The following NARS1 variants were observed in gnomAD, a reference collection of about 807,000 sequenced individuals.
NARS1 encodes the protein asparaginyl-tRNA synthetase 1.
Under a neutral mutation model 79.2 loss-of-function variants are expected in NARS1, and 65 were observed. That is an observed-to-expected ratio of 0.82 (90% CI 0.67 to 1.01). The LOEUF (loss-of-function observed/expected upper bound fraction) is 1.01. Among genes scored for constraint, NARS1 ranks in the 50% least tolerant of loss-of-function variants. The probability of loss-of-function intolerance (pLI) is 0.00; values close to 1 mark genes in which losing one functional copy is unlikely to be tolerated. For missense variants in NARS1, 649 were observed against 673.8 expected, an observed-to-expected ratio of 0.96 and a Z score of 0.41; for synonymous variants, 229 against 238.8, an observed-to-expected ratio of 0.96 and a Z score of 0.38.
At chr18:57,621,638 C>A in intron 1 of NARS1, 70 bp downstream of exon 1, 1 of 1,505,298 alleles carries the variant, frequency 6.6e-7, no homozygotes. Context: ...AGGAAAGCGC[C>A]GAAACCCGAC....
chr18:57,601,668 T>C lies in NARS1; in HGVS notation c.1631A>G (p.Gln544Arg). ...AGAAAATGGTTATGGCGTGCAACGCTGGACAAATCGAGGGTATAAGCACAC... is the reference window on the plus strand; with the variant it reads ...AGAAAATGGTTATGGCGTGCAACGCCGGACAAATCGAGGGTATAAGCACAC... ...RDVCLYPRFVQRCTP is the reference protein window; with the variant it reads ...RDVCLYPRFVRRCTP Residue 544 changes from glutamine (Q) to arginine (R), a missense_variant, in exon 14 of 14, where the codon CAG (glutamine) becomes CGG (arginine). Transcript: ENST00000256854. 1 of 1,614,054 alleles carries C rather than the reference T, an allele frequency of 6.2e-7. No individual in the cohort carries two copies.
chr18:57,607,866 T>C (rs2051572436), intron 7 of NARS1, among the ~76,000 whole-genome samples: 1 of 151,502 alleles, frequency 6.6e-6, no homozygotes, highest in Non-Finnish European at 1.5e-5. Flanking sequence ...TACACACAAA[T>C]ATCTTTTTTT....
intron 2 of NARS1, among the ~76,000 whole-genome samples, chr18:57,618,405 C>T (rs1206874671): frequency 6.6e-6 from 1 of 152,138 alleles, no homozygotes; most frequent in Non-Finnish European, 1.5e-5. Context: ...TGTACTGATC[C>T]CTCCTTTTGT....
At chr18:57,619,163 C>T (rs1046243768) in intron 2 of NARS1, among the ~76,000 whole-genome samples, 2 of 151,656 alleles carry the variant, frequency 1.3e-5, no homozygotes, top group South Asian at 2.1e-4. Context: ...GATGCAATCA[C>T]GGCTCACTGC....
At chr18:57,620,950 C>A (rs959550972) in intron 1 of NARS1, among the ~76,000 whole-genome samples, 4 of 152,178 alleles carry the variant, frequency 2.6e-5, no homozygotes, top group African/African-American at 9.6e-5. Context: ...ATCAGACATA[C>A]GCTGGAATGT....
At chr18:57,616,153 G>A (rs968971673) in intron 2 of NARS1, 178 bp from the exon 3 acceptor site, 38 of 591,796 alleles carry the variant, frequency 6.4e-5, no homozygotes, top group South Asian at 9.4e-5. Context: ...TTGGCTGGGC[G>A]CGGTGGCTCA....
chr18:57,614,928 C>T (rs1456858204), intron 4 of NARS1, among the ~76,000 whole-genome samples: 23 of 152,178 alleles, frequency 1.5e-4, no homozygotes, highest in Admixed American at 1.5e-3. Flanking sequence ...GTATTCCCAG[C>T]ACTTTGGGAG....
Position 57,606,606 on chromosome 18 carries a change from C to A in NARS1, c.1137+10G>T. On this transcript the variant is annotated intron_variant, in intron 10 of 13. Coordinates refer to ENST00000256854, the MANE Select transcript of NARS1 (RefSeq NM_004539.4). ...CTGTGACTTTTTCTTTCCATAAACA[C>A]TGCACCTACCGGGTTGAGCTCATGC... The A allele has an allele frequency of 6.2e-7, 1 of 1,612,048 alleles. No homozygotes were observed. The highest frequency in any genetic ancestry group is 8.5e-7 in the Non-Finnish European group (1 of 1,178,854).
intron 1 of NARS1, 147 bp downstream of exon 1, chr18:57,621,561 C>T (rs1278515489): frequency 3.0e-6 from 1 of 331,154 alleles, no homozygotes; most frequent in Non-Finnish European, 6.1e-6. Flanking sequence ...AGGCCAGCAC[C>T]CTCCCTCCCT....
rs1358182812 is a variant in NARS1 at position 57,605,151 on chromosome 18, A to C, written c.1251+706T>G. Among the ~76,000 whole-genome samples the C allele has an allele frequency of 4.7e-5, 7 of 147,916 alleles. No homozygotes were observed. In the South Asian group the frequency reaches 1.1e-3, roughly 22 times the overall value. On this transcript the variant is annotated intron_variant, in intron 11 of 13. Coordinates refer to ENST00000256854, the MANE Select transcript of NARS1 (RefSeq NM_004539.4). ...AAAAAAAAAATATATATATATATAT[A>C]TATCTATATACCAACATTTTGCATG...
intron 11 of NARS1, among the ~76,000 whole-genome samples, chr18:57,605,301 T>G (rs1038938932): frequency 6.6e-6 from 1 of 151,730 alleles, no homozygotes; most frequent in African/African-American, 2.4e-5. Flanking sequence ...GCATGAGACA[T>G]GAAGGCAGCT....
At chr18:57,614,227 G>A (rs762857904) in intron 4 of NARS1, among the ~76,000 whole-genome samples, 8 of 152,154 alleles carry the variant, frequency 5.3e-5, no homozygotes, top group Non-Finnish European at 1.0e-4. Context: ...CTGGCTGGGC[G>A]TGGTGGCTCA....
intron 9 of NARS1, 96 bp downstream of exon 9, chr18:57,607,038 G>A: frequency 1.5e-6 from 2 of 1,335,260 alleles, no homozygotes; most frequent in Non-Finnish European, 1.0e-6. Flanking sequence ...ATATCAGTTG[G>A]TTTTTTTTAA....
intron 7 of NARS1, among the ~76,000 whole-genome samples, chr18:57,609,012 G>A (rs1408471834): frequency 1.3e-5 from 2 of 152,194 alleles, no homozygotes; most frequent in African/African-American, 2.4e-5. Context: ...CTCAGCTTTT[G>A]GACTCTTGGA....
intron 5 of NARS1, among the ~76,000 whole-genome samples, chr18:57,613,144 A>G (rs2122445544): frequency 6.6e-6 from 1 of 152,178 alleles, no homozygotes; most frequent in East Asian, 1.9e-4. Flanking sequence ...CCAGCTGCTC[A>G]GGAGGCTGAG....
chr18:57,602,088 G>A (rs2051511995), intron 13 of NARS1, among the ~76,000 whole-genome samples: 1 of 152,136 alleles, frequency 6.6e-6, no homozygotes, highest in African/African-American at 2.4e-5. Context: ...AAATGAAGAA[G>A]GGTACTAGAT....
In NARS1 at chr18:57,620,592, T is replaced by C; in HGVS notation, c.70A>G (p.Lys24Glu). The change falls in exon 2 of 14, where the codon AAA (lysine) becomes GAA (glutamate). Residue 24 changes from lysine (K) to glutamate (E), a missense_variant. Coordinates refer to ENST00000256854, the MANE Select transcript of NARS1 (RefSeq NM_004539.4). ...SDATGDGTKEKPFKTGLKALM... is the reference protein window; with the variant it reads ...SDATGDGTKEEPFKTGLKALM... ...ACCTTTAGACCTGTTTTAAATGGTT[T>C]CTCCTTGGTTCCATCTCCCGTGGCA... 6.2e-7 allele frequency: 1 copy of C among 1,613,404 alleles called. No individual in the cohort carries two copies. Among genetic ancestry groups the C allele is most frequent in the Non-Finnish European group, 8.5e-7 (1 of 1,179,506 alleles).
chr18:57,607,401 C>G (rs2051567628), intron 8 of NARS1, 43 bp downstream of exon 8: 1 of 1,611,630 alleles, frequency 6.2e-7, no homozygotes, highest in Non-Finnish European at 8.5e-7. Flanking sequence ...TTCAAAACGG[C>G]AAAAAACATA....
intron 11 of NARS1, 81 bp from the exon 12 acceptor site, chr18:57,603,024 C>G: frequency 7.2e-7 from 1 of 1,396,138 alleles, no homozygotes; most frequent in Non-Finnish European, 1.0e-6. Context: ...CTGTACCAGT[C>G]CTTCCTCCTA....
Sources: gnomAD v4.1 joint callset for allele counts (sites outside exome capture counted in the v4.1 genomes callset) on GRCh38, gnomAD v4.1.1 for gene constraint, MANE v1.5 for transcripts, NCBI Gene and HGNC (gene_info 2026-07-23, HGNC 2026-07-21) for gene names.